The following CALN1 variants were observed in gnomAD, a reference collection of about 807,000 sequenced individuals.
CALN1 encodes calcium-binding protein 8.
A neutral mutation model predicts 30.6 loss-of-function variants in CALN1; 17 were observed. The ratio of observed to expected loss-of-function variants is 0.56; its 90% CI spans 0.38 to 0.83. CALN1 has a LOEUF of 0.83. CALN1 is among the 40% of genes least tolerant of loss of function. CALN1 has a pLI of 0.00. For synonymous variants in CALN1, 156 were observed against 131.4 expected, an observed-to-expected ratio of 1.19 and a Z score of -1.28; for missense variants, 291 against 354.9, an observed-to-expected ratio of 0.82 and a Z score of 1.45.
At chr7:72,395,240 TTATC>T (rs959147678) in intron 2 of CALN1, among the ~76,000 whole-genome samples, 33 of 152,118 alleles carry the variant, frequency 2.2e-4, no homozygotes, top group Non-Finnish European at 4.1e-4. Flanking sequence ...AATATGTCAG[TTATC>T]TATCATTTGC....
chr7:71,835,858 G>A (rs1384013867), intron 5 of CALN1, among the ~76,000 whole-genome samples: 2 of 152,158 alleles, frequency 1.3e-5, no homozygotes, highest in African/African-American at 2.4e-5. Flanking sequence ...TTTTGTCCTC[G>A]TGAATCATTA....
intron 5 of CALN1, among the ~76,000 whole-genome samples, chr7:72,016,990 T>TAAAAAA (rs1562979384): frequency 2.4e-5 from 1 of 41,662 alleles, no homozygotes; most frequent in African/African-American, 2.3e-4. Context: ...CCGTGTTTAC[T>TAAAAAA]AAAAATACAA....
At chr7:71,825,622 C>T (rs908437355) in intron 5 of CALN1, among the ~76,000 whole-genome samples, 1 of 152,096 alleles carries the variant, frequency 6.6e-6, no homozygotes, top group Non-Finnish European at 1.5e-5. Context: ...GAGACAGACT[C>T]CTCCCTGCCA....
At chr7:72,003,959 C>T (rs1423559279) in intron 5 of CALN1, among the ~76,000 whole-genome samples, 1 of 152,106 alleles carries the variant, frequency 6.6e-6, no homozygotes, top group Non-Finnish European at 1.5e-5. Flanking sequence ...TGCCAATTCT[C>T]CCAAGTTGAC....
intron 2 of CALN1, among the ~76,000 whole-genome samples, chr7:72,323,870 C>A (rs928212258): frequency 3.3e-5 from 5 of 151,614 alleles, no homozygotes; most frequent in Admixed American, 6.6e-5. Context: ...ATAGCGAAAC[C>A]CCATCTGTAC....
intron 3 of CALN1, among the ~76,000 whole-genome samples, chr7:72,188,811 C>T (rs1040076042): frequency 6.6e-6 from 1 of 152,166 alleles, no homozygotes; most frequent in Admixed American, 6.5e-5. Context: ...AGTCTGAAAG[C>T]GTGTGTGTCC....
At chr7:72,088,621 C>A (rs1374412033) in intron 4 of CALN1, among the ~76,000 whole-genome samples, 1 of 150,584 alleles carries the variant, frequency 6.6e-6, no homozygotes, top group East Asian at 2.0e-4. Context: ...ATCACTTGAA[C>A]CCAGGAGGTG....
intron 4 of CALN1, among the ~76,000 whole-genome samples, chr7:72,028,520 T>TG (rs1259284519): frequency 6.6e-6 from 1 of 152,178 alleles, no homozygotes; most frequent in Non-Finnish European, 1.5e-5. Context: ...GAAGAAGCGA[T>TG]GGAGAAGGGC....
At chr7:72,183,862 T>C (rs563191258) in intron 3 of CALN1, among the ~76,000 whole-genome samples, 8 of 152,280 alleles carry the variant, frequency 5.3e-5, no homozygotes, top group Non-Finnish European at 7.4e-5. Flanking sequence ...ATTTGAGGTA[T>C]AGGTTGCCTA....
intron 5 of CALN1, among the ~76,000 whole-genome samples, chr7:71,931,101 G>C (rs938334140): frequency 6.6e-6 from 1 of 152,166 alleles, no homozygotes; most frequent in Non-Finnish European, 1.5e-5. Flanking sequence ...TTGTATTGAT[G>C]AAATTAACAA....
rs61172492 is a variant in CALN1 at position 71,789,780 on chromosome 7, G to A, written c.659-1878C>T. Among the ~76,000 whole-genome samples, 698 of 152,118 alleles carry A rather than the reference G, an allele frequency of 4.6e-3. 13 individuals are homozygous for A. The highest frequency in any genetic ancestry group is 0.031 in the South Asian group (149 of 4,804). ...TCTCAATCAAAAGGCATGAATTAGC[G>A]GATATTAATATGGGCCAGAAACAGA... On this transcript the variant is annotated intron_variant, in intron 6 of 6. Coordinates refer to ENST00000395275, the MANE Select transcript of CALN1 (RefSeq NM_031468.4).
chr7:71,846,852 ATG>A (rs1790275432), intron 5 of CALN1, among the ~76,000 whole-genome samples: 2 of 146,338 alleles, frequency 1.4e-5, no homozygotes, highest in Non-Finnish European at 3.0e-5. Flanking sequence ...TATATTATAT[ATG>A]TATATATGTA....
At chr7:72,122,543 C>G (rs1008708189) in intron 3 of CALN1, among the ~76,000 whole-genome samples, 1 of 152,058 alleles carries the variant, frequency 6.6e-6, no homozygotes, top group Non-Finnish European at 1.5e-5. Flanking sequence ...TCGAGACTAA[C>G]CTGGGCAACT....
chr7:72,276,392 G>A (rs1797335098), intron 3 of CALN1, among the ~76,000 whole-genome samples: 1 of 152,188 alleles, frequency 6.6e-6, no homozygotes, highest in South Asian at 2.1e-4. Flanking sequence ...CCCCCAAAAT[G>A]CCTATGTGGA....
chr7:72,267,731 GTGTGT>G (rs1796690851), intron 3 of CALN1, among the ~76,000 whole-genome samples: 1 of 152,252 alleles, frequency 6.6e-6, no homozygotes, highest in African/African-American at 2.4e-5. Flanking sequence ...CCTGGGCCGG[GTGTGT>G]TGACTCACAT....
intron 5 of CALN1, among the ~76,000 whole-genome samples, chr7:71,931,487 G>A (rs1050819909): frequency 2.0e-5 from 3 of 150,682 alleles, no homozygotes; most frequent in Non-Finnish European, 4.4e-5. Context: ...GGCTGTTCTT[G>A]AACTCCTGAG....
the CALN1 span, among the ~76,000 whole-genome samples, chr7:72,476,871 C>T: frequency 6.6e-6 from 1 of 152,082 alleles, no homozygotes; most frequent in Non-Finnish European, 1.5e-5. Flanking sequence ...ACTGAGAGAA[C>T]GAATATATAA....
the CALN1 span, among the ~76,000 whole-genome samples, chr7:72,481,416 A>G: frequency 6.6e-6 from 1 of 151,930 alleles, no homozygotes; most frequent in South Asian, 2.1e-4. Context: ...TAAAGAACAA[A>G]CTTTTGATTT....
intron 5 of CALN1, among the ~76,000 whole-genome samples, chr7:71,883,465 C>A (rs1170262026): frequency 6.6e-6 from 1 of 152,110 alleles, no homozygotes; most frequent in East Asian, 1.9e-4. Flanking sequence ...TAAGTCACTC[C>A]GTTTCTCTTC....
Sources: gnomAD v4.1 joint callset for allele counts (sites outside exome capture counted in the v4.1 genomes callset) on GRCh38, gnomAD v4.1.1 for gene constraint, MANE v1.5 for transcripts, NCBI Gene and HGNC (gene_info 2026-07-23, HGNC 2026-07-21) for gene names.